Variants in CENPF observed in about 807,000 individuals in gnomAD.
CENPF encodes the protein AH antigen.
CENPF carries 214 observed loss-of-function variants against 307.3 expected under a neutral mutation model. The ratio of observed to expected loss-of-function variants is 0.70; its 90% confidence interval spans 0.62 to 0.78. CENPF has a LOEUF of 0.78. Ranked by LOEUF, CENPF falls within the 30% of genes least tolerant of loss-of-function variation. CENPF has a pLI of 0.00. For synonymous variants in CENPF, 1,259 were observed against 1,270.6 expected, an observed-to-expected ratio of 0.99 and a Z score of 0.19; for missense variants, 3,401 against 3,483.9, an observed-to-expected ratio of 0.98 and a Z score of 0.60.
chr1:214,608,338 G>T, intron 1 of CENPF: 1 of 1,605,850 alleles, frequency 6.2e-7, no homozygotes. Context: ...CTGCCAGGCG[G>T]CGTCGATGTC....
At position 214,633,041 on chromosome 1, in the gene CENPF, G is replaced by A. The variant is rs184879468; in HGVS notation, c.1446+439G>A. Among the ~76,000 whole-genome samples, 1,103 of 152,214 alleles carry A rather than the reference G, an allele frequency of 7.2e-3. 5 individuals are homozygous for A. Among genetic ancestry groups the A allele is most frequent in the Non-Finnish European group, 0.012 (842 of 68,022 alleles). Reference sequence around the variant, plus strand: ...TTGTGTCTTTCAATATTAAAAACACGTGGAAAGTCATAGATTTAAATAAAC... The same window carrying A: ...TTGTGTCTTTCAATATTAAAAACACATGGAAAGTCATAGATTTAAATAAAC... On this transcript the variant is annotated intron_variant, in intron 10 of 19. Coordinates refer to ENST00000366955, the MANE Select transcript of CENPF (RefSeq NM_016343.4).
intron 14 of CENPF, 99 bp downstream of exon 14, chr1:214,648,926 A>G (rs750265850): frequency 5.8e-6 from 7 of 1,211,146 alleles, no homozygotes; most frequent in Non-Finnish European, 8.1e-6. Flanking sequence ...TACCTAACTT[A>G]TTTTTAGCTC....
intron 1 of CENPF, among the ~76,000 whole-genome samples, chr1:214,608,118 G>A (rs1657088534): frequency 1.3e-5 from 2 of 152,210 alleles, no homozygotes; most frequent in Admixed American, 1.3e-4. Flanking sequence ...AGGACCGCCT[G>A]GCCACACCTC....
Position 214,645,750 on chromosome 1 carries a change from A to G in CENPF, c.6180A>G (p.Gln2060=). 1 of 1,614,226 alleles carries G rather than the reference A, an allele frequency of 6.2e-7. No homozygotes were observed. The highest frequency in any genetic ancestry group is 8.5e-7 in the Non-Finnish European group (1 of 1,180,048). The stretch of plus-strand genomic sequence containing the variant: ...GTGAGCTGGAAAACCAAATTGCACA[A>G]CTGAATAAAGAGAAAGAATTGCTTG... The part of the protein sequence containing the change: ...TKCELENQIA[Q]LNKEKELLVK... The change falls in exon 13 of 20, where the codon CAA becomes CAG. Residue 2060 remains glutamine (Q), a synonymous_variant. Coordinates refer to ENST00000366955, the MANE Select transcript of CENPF (RefSeq NM_016343.4).
rs760117415 is a variant in CENPF at position 214,647,058 on chromosome 1, T to C, written c.7488T>C (p.Tyr2496=). Residue 2496 remains tyrosine (Y), a synonymous_variant, in exon 13 of 20, where the codon TAT becomes TAC. Transcript: ENST00000366955. ...LQGLDEAKNN[Y]IVLQSSVNGL... is the part of the protein sequence containing the mutation. ...GCCTTGATGAGGCCAAAAATAATTA[T>C]ATTGTTTTGCAATCTTCAGTGAATG... The C allele has an allele frequency of 1.2e-6, 2 of 1,614,094 alleles. No homozygotes were observed. Among genetic ancestry groups the C allele is most frequent in the Middle Eastern group, 1.6e-4 (1 of 6,062 alleles).
intron 10 of CENPF, among the ~76,000 whole-genome samples, chr1:214,636,303 T>A (rs1260590185): frequency 1.3e-5 from 2 of 152,206 alleles, no homozygotes; most frequent in Non-Finnish European, 2.9e-5. Flanking sequence ...TTTAAATCAA[T>A]AACATTGTTG....
intron 2 of CENPF, among the ~76,000 whole-genome samples, chr1:214,614,361 G>C (rs892933513): frequency 6.6e-6 from 1 of 151,934 alleles, no homozygotes; most frequent in South Asian, 2.1e-4. Flanking sequence ...TTTTACCTTG[G>C]TATTCCTCAA....
At position 214,614,960 on chromosome 1, in the gene CENPF, G is replaced by T; in HGVS notation, c.291G>T (p.Val97=). The change falls in exon 3 of 20, where the codon GTG becomes GTT. Residue 97 remains valine (V), a synonymous_variant. Transcript: ENST00000366955. ...SHELQVKESQ[V]NFQEGQLNSG... ...AACTTCAAGTCAAGGAGTCACAAGTGAATTTCCAGGAAGGACAACTGAATT... is the reference window on the plus strand; with the variant it reads ...AACTTCAAGTCAAGGAGTCACAAGTTAATTTCCAGGAAGGACAACTGAATT... 6.2e-7 allele frequency: 1 copy of T among 1,610,234 alleles called. No homozygotes were observed. The highest frequency in any genetic ancestry group is 8.5e-7 in the Non-Finnish European group (1 of 1,178,690).
chr1:214,636,572 T>C (rs1657972409), intron 10 of CENPF, among the ~76,000 whole-genome samples: 1 of 152,196 alleles, frequency 6.6e-6, no homozygotes, highest in African/African-American at 2.4e-5. Flanking sequence ...TCAAGTACTT[T>C]CTACTAGCCA....
chr1:214,605,545 T>C (rs1656998862), intron 1 of CENPF: 4 of 656,344 alleles, frequency 6.1e-6, no homozygotes, highest in Non-Finnish European at 1.0e-5. Flanking sequence ...CTGTACATCG[T>C]CCACAGCCCC....
intron 18 of CENPF, 134 bp downstream of exon 18, chr1:214,657,543 T>C: frequency 1.5e-6 from 1 of 668,858 alleles, no homozygotes; most frequent in East Asian, 2.7e-5. Flanking sequence ...TAAGCAATAG[T>C]CTGCTTTTAA....
At chr1:214,651,668 TATG>T (rs1320092542) in intron 14 of CENPF, 39 bp from the exon 15 acceptor site, 1 of 1,420,730 alleles carries the variant, frequency 7.0e-7, no homozygotes, top group Admixed American at 2.3e-5. Flanking sequence ...GGTTCTTAAT[TATG>T]AGGAGGTGCT....
At chr1:214,615,136 C>A in intron 3 of CENPF, 108 bp downstream of exon 3, 1 of 673,046 alleles carries the variant, frequency 1.5e-6, no homozygotes, top group Non-Finnish European at 2.3e-6. Context: ...ATTTTTTTTC[C>A]TGGTAGAATA....
chr1:214,615,682 T>C (rs1657317734), intron 3 of CENPF, among the ~76,000 whole-genome samples: 1 of 152,216 alleles, frequency 6.6e-6, no homozygotes, highest in East Asian at 1.9e-4. Context: ...CTCATGCCTG[T>C]AATCCCAGCA....
In CENPF at chr1:214,647,286, A is replaced by G; in HGVS notation, c.7716A>G (p.Leu2572=). ...TVELEQKIQV[L]QSKNASLQDT... is the part of the protein sequence containing the mutation. ...AATTGGAGCAGAAGATCCAAGTGCT[A>G]CAATCCAAAAATGCCTCTTTGCAGG... The change falls in exon 13 of 20, where the codon CTA becomes CTG. Residue 2572 remains leucine (L), a synonymous_variant. Coordinates refer to ENST00000366955, the MANE Select transcript of CENPF (RefSeq NM_016343.4). 14 of 1,614,112 alleles carry G rather than the reference A, an allele frequency of 8.7e-6. No homozygotes were observed. Among genetic ancestry groups the G allele is most frequent in the Non-Finnish European group, 1.2e-5 (14 of 1,179,962 alleles).
Position 214,646,188 on chromosome 1 carries a change from C to G in CENPF, c.6618C>G (p.Val2206=), listed in dbSNP as rs1658294455. 1.2e-6 allele frequency: 2 copies of G among 1,612,894 alleles called. No individual in the cohort carries two copies. Among genetic ancestry groups the G allele is most frequent in the African/African-American group, 2.7e-5 (2 of 74,672 alleles). ...RSLKVFELDL[V]TLRSEKENLT... Reference sequence around the variant, plus strand: ...TGAAAGTTTTTGAATTAGACCTTGTCACGTTAAGGTCTGAAAAAGAAAATC... The same window carrying G: ...TGAAAGTTTTTGAATTAGACCTTGTGACGTTAAGGTCTGAAAAAGAAAATC... Residue 2206 remains valine, a synonymous_variant, in exon 13 of 20, where the codon GTC becomes GTG. Coordinates refer to ENST00000366955, the MANE Select transcript of CENPF (RefSeq NM_016343.4).
At chr1:214,608,952 G>A (rs1240734974) in intron 1 of CENPF, 22 of 1,025,652 alleles carry the variant, frequency 2.1e-5, no homozygotes, top group Non-Finnish European at 2.9e-5. Context: ...AGGGGGGAGG[G>A]CGCCCCCCCA....
rs562525445 is a variant in CENPF at position 214,625,432 on chromosome 1, G to A, written c.1068+3151G>A. On this transcript the variant is annotated intron_variant, in intron 7 of 19. Transcript: ENST00000366955. ...GACGGGGTTTCACCATGTTGGCCAG[G>A]CTGGTCTTGAACTCCTGACCTCAGG... 2.0e-5 allele frequency among the ~76,000 whole-genome samples: 3 copies of A among 152,172 alleles called. No homozygotes were observed. The South Asian group carries it at 6.2e-4, about 32-fold the overall frequency.
chr1:214,608,100 G>T (rs139285179), intron 1 of CENPF, among the ~76,000 whole-genome samples: 11,125 of 152,268 alleles, frequency 0.073, 1,314 homozygotes, highest in African/African-American at 0.25. Context: ...CACAGGCCAG[G>T]GTGTGGAAGG....
Sources: gnomAD v4.1 joint callset for allele counts (sites outside exome capture counted in the v4.1 genomes callset) on GRCh38, gnomAD v4.1.1 for gene constraint, MANE v1.5 for transcripts, NCBI Gene and HGNC (gene_info 2026-07-23, HGNC 2026-07-21) for gene names.